The following MYLK variants were observed in gnomAD, a reference collection of about 807,000 sequenced individuals.
The protein encoded by MYLK is myosin light chain kinase.
In MYLK, 106 loss-of-function variants were observed where a neutral mutation model predicts 203.4. That is an observed-to-expected ratio of 0.52 (90% CI 0.45 to 0.61). The LOEUF is 0.61. Ranked by LOEUF, MYLK falls within the 20% of genes least tolerant of loss-of-function variation. The pLI is 0.00. For synonymous variants in MYLK, 867 were observed against 959.5 expected (o/e 0.90, Z 1.78); for missense variants, 2,072 against 2,442.3 (o/e 0.85, Z 3.20).
At chr3:123,716,448 A>T (rs1222805005) in intron 13 of MYLK, 1 of 152,194 alleles carries the variant, frequency 6.6e-6, no homozygotes, top group Non-Finnish European at 1.5e-5. Flanking sequence ...CTTAAGAAGC[A>T]AATGGGAAGA....
In MYLK at chr3:123,733,000, T is replaced by G. The variant is rs1408463198; in HGVS notation, c.1412A>C (p.Tyr471Ser). The change falls in exon 11 of 34, where the codon TAC becomes TCC. Residue 471 changes from tyrosine to serine, a missense_variant. Transcript: ENST00000360304. ...GGTCCGGGCTTTCAGCAGGCAGAGG[T>G]AATGGGAGCCAGCATCTTCATAAAC... ...IEVYEDAGSH[Y>S]LCLLKARTRD... is the part of the protein sequence containing the mutation. The G allele has an allele frequency of 6.2e-7, 1 of 1,613,932 alleles. No individual in the cohort carries two copies. The highest frequency in any genetic ancestry group is 8.5e-7 in the Non-Finnish European group (1 of 1,180,016).
At chr3:123,698,832 A>T (rs1397380186) in intron 18 of MYLK, 3 of 152,430 alleles carry the variant, frequency 2.0e-5, no homozygotes, top group Admixed American at 6.5e-5. Context: ...GGATTCTGTG[A>T]TCTTCAAATG....
chr3:123,843,019 G>A (rs999219159), intron 2 of MYLK, among the ~76,000 whole-genome samples: 2 of 152,214 alleles, frequency 1.3e-5, no homozygotes, highest in East Asian at 1.9e-4. Flanking sequence ...AGGGCTTGCT[G>A]AGGCTTAAGG....
At chr3:123,778,421 G>T (rs1049124317) in intron 4 of MYLK, among the ~76,000 whole-genome samples, 4 of 151,722 alleles carry the variant, frequency 2.6e-5, no homozygotes, top group Admixed American at 1.3e-4. Flanking sequence ...GCTGAGGCAG[G>T]AGAATGGCGT....
intron 5 of MYLK, among the ~76,000 whole-genome samples, chr3:123,749,887 T>G (rs1005985229): frequency 7.2e-5 from 11 of 152,244 alleles, no homozygotes; most frequent in Non-Finnish European, 1.2e-4. Flanking sequence ...ACTAAAGGAT[T>G]ACAAAACTCC....
In MYLK at chr3:123,700,221, C is replaced by T. The variant is rs772444197; in HGVS notation, c.3247G>A (p.Gly1083Arg). 7 of 1,613,968 alleles carry T rather than the reference C, an allele frequency of 4.3e-6. No individual in the cohort carries two copies. Among genetic ancestry groups the T allele is most frequent in the Non-Finnish European group, 4.2e-6 (5 of 1,180,008 alleles). The stretch of plus-strand genomic sequence containing the variant: ...GATCTCTTTTCATTATCTGTGGTCC[C>T]TGCATGGCCTCTCTTGCAGTTCACA... ...NDVNCKRGHA[G>R]TTDNEKRSES... is the part of the protein sequence containing the mutation. Residue 1083 changes from glycine (G) to arginine (R), a missense_variant, in exon 18 of 34, where the codon GGG becomes AGG. By Grantham distance (125) the Gly-to-Arg change is moderately radical (BLOSUM62 -2). Around this residue, in one of 3 missense-constraint regions of MYLK, gnomAD observed 865 missense variants for 1,016.0 expected, o/e 0.85. Coordinates refer to ENST00000360304, the MANE Select transcript of MYLK (RefSeq NM_053025.4).
chr3:123,661,008 G>A (rs1041726346), intron 23 of MYLK, among the ~76,000 whole-genome samples: 2 of 152,138 alleles, frequency 1.3e-5, no homozygotes, highest in Non-Finnish European at 2.9e-5. Context: ...GTTCTTTGAG[G>A]GGGAGGCAGA....
At chr3:123,682,350 G>T in intron 19 of MYLK, 40 bp from the exon 20 acceptor site, 1 of 1,467,132 alleles carries the variant, frequency 6.8e-7, no homozygotes, top group Non-Finnish European at 9.4e-7. Flanking sequence ...AGCAGCTGCT[G>T]AGGAAATGAG....
intron 16 of MYLK, among the ~76,000 whole-genome samples, chr3:123,702,776 C>T (rs2061295463): frequency 6.6e-6 from 1 of 152,290 alleles, no homozygotes; most frequent in African/African-American, 2.4e-5. Context: ...ATTGCTTGAG[C>T]TCGCACGTTT....
chr3:123,701,606 G>A (rs1274612288), intron 16 of MYLK, 97 bp from the exon 17 acceptor site: 6 of 1,278,740 alleles, frequency 4.7e-6, no homozygotes, highest in Non-Finnish European at 6.8e-6. Context: ...CAGCGGGGAA[G>A]ATGGAAGTCG....
intron 18 of MYLK, among the ~76,000 whole-genome samples, chr3:123,697,209 C>A (rs1222681493): frequency 6.6e-6 from 1 of 152,180 alleles, no homozygotes; most frequent in African/African-American, 2.4e-5. Flanking sequence ...ATAGATGAAG[C>A]CTTAAGATAA....
intron 3 of MYLK, among the ~76,000 whole-genome samples, chr3:123,830,478 G>C (rs1405914545): frequency 6.6e-6 from 1 of 152,148 alleles, no homozygotes; most frequent in African/African-American, 2.4e-5. Context: ...AGTAATCTAA[G>C]AAGCTATTCC....
chr3:123,844,888 T>A (rs997933832), intron 2 of MYLK, among the ~76,000 whole-genome samples: 2 of 147,378 alleles, frequency 1.4e-5, no homozygotes, highest in Non-Finnish European at 1.5e-5. Flanking sequence ...TAGCATGCAG[T>A]GGCTATTCAC....
intron 18 of MYLK, among the ~76,000 whole-genome samples, chr3:123,695,944 G>C (rs1427816777): frequency 6.6e-6 from 1 of 152,130 alleles, no homozygotes; most frequent in African/African-American, 2.4e-5. Flanking sequence ...AAAGACTTGG[G>C]GGCAGAGGGC....
intron 24 of MYLK, among the ~76,000 whole-genome samples, chr3:123,655,711 A>C (rs1373930627): frequency 6.6e-6 from 1 of 152,202 alleles, no homozygotes; most frequent in Non-Finnish European, 1.5e-5. Flanking sequence ...TCAGTTCACC[A>C]ATTACAAGCT....
At position 123,700,713 on chromosome 3, in the gene MYLK, G is replaced by A; in HGVS notation, c.2755C>T (p.Pro919Ser). 1 of 1,614,100 alleles carries A rather than the reference G, an allele frequency of 6.2e-7. No individual in the cohort carries two copies. The highest frequency in any genetic ancestry group is 8.5e-7 in the Non-Finnish European group (1 of 1,180,026). Residue 919 changes from proline to serine, a missense_variant, in exon 18 of 34, where the codon CCA (proline) becomes TCA (serine). Pro to Ser is a moderately conservative substitution (Grantham distance 74). Around this residue, in one of 3 missense-constraint regions of MYLK, gnomAD observed 865 missense variants for 1,016.0 expected, o/e 0.85. Transcript: ENST00000360304. ...GCACGGAAATCCATCTGCTCGGCTGGGATCTCCTTCAGGTCGTCTTCCGAT... is the reference window on the plus strand; with the variant it reads ...GCACGGAAATCCATCTGCTCGGCTGAGATCTCCTTCAGGTCGTCTTCCGAT... ...TLSEDDLKEI[P>S]AEQMDFRANL...
intron 3 of MYLK, chr3:123,800,061 C>T (rs2065141589): frequency 6.6e-6 from 1 of 152,272 alleles, no homozygotes; most frequent in Non-Finnish European, 1.5e-5. Context: ...CAGCCAACTT[C>T]ACCCGGTCCG....
At chr3:123,727,840 G>C (rs953762343) in intron 11 of MYLK, among the ~76,000 whole-genome samples, 1 of 152,188 alleles carries the variant, frequency 6.6e-6, no homozygotes, top group African/African-American at 2.4e-5. Flanking sequence ...TGTTAGATCA[G>C]ATCCTTGTGA....
At chr3:123,827,033 A>T (rs2066142730) in intron 3 of MYLK, among the ~76,000 whole-genome samples, 1 of 152,246 alleles carries the variant, frequency 6.6e-6, no homozygotes, top group Non-Finnish European at 1.5e-5. Flanking sequence ...GTTACCTCCC[A>T]AGAAAGATAG....
Sources: gnomAD v4.1 joint callset for allele counts (sites outside exome capture counted in the v4.1 genomes callset) on GRCh38, gnomAD v4.1.1 for gene constraint, gnomAD v4.1.1 regional missense constraint, MANE v1.5 for transcripts, NCBI Gene and HGNC (gene_info 2026-07-23, HGNC 2026-07-21) for gene names.